Variants in HGF observed in about 807,000 individuals in gnomAD.
The protein encoded by HGF is hepatocyte growth factor, also known as fibroblast-derived tumor cytotoxic factor.
HGF carries 39 observed loss-of-function variants against 111.6 expected under a neutral mutation model. That is an observed-to-expected ratio of 0.35 (90% CI 0.27 to 0.46). The LOEUF is 0.46. Among genes scored for constraint, HGF ranks in the 20% least tolerant of loss-of-function variants. The probability of loss-of-function intolerance (pLI) is 1.00; values close to 1 mark genes in which losing one functional copy is unlikely to be tolerated. For synonymous variants in HGF, 285 were observed against 294.8 expected, an observed-to-expected ratio of 0.97 and a Z score of 0.34; for missense variants, 735 against 910.5, an observed-to-expected ratio of 0.81 and a Z score of 2.48.
chr7:81,704,272 A>G (rs539869438), intron 17 of HGF, among the ~76,000 whole-genome samples: 56 of 151,918 alleles, frequency 3.7e-4, no homozygotes, highest in African/African-American at 1.3e-3. Flanking sequence ...ATTAAAGGCT[A>G]TTCTTCAAAA....
intron 2 of HGF, among the ~76,000 whole-genome samples, chr7:81,761,294 C>T (rs777104949): frequency 6.6e-6 from 1 of 152,136 alleles, no homozygotes; most frequent in Non-Finnish European, 1.5e-5. Flanking sequence ...ACTCCTCTTG[C>T]CAGGAACTAT....
chr7:81,769,847 A>G (rs778858866), intron 1 of HGF, 37 bp downstream of exon 1: 20 of 1,434,958 alleles, frequency 1.4e-5, no homozygotes, highest in Non-Finnish European at 1.9e-5. Context: ...AGAGTTAAAT[A>G]CTAATACTAA....
intron 11 of HGF, 28 bp from the exon 12 acceptor site, chr7:81,711,547 C>T: frequency 2.9e-6 from 3 of 1,050,664 alleles, no homozygotes; most frequent in East Asian, 2.5e-5. Context: ...TAGATAAATA[C>T]ACAATTCATA....
rs571764248 is a variant in HGF, at chr7:81,705,989, T to A, written c.1758-236A>T. 3.3e-5 allele frequency among the ~76,000 whole-genome samples: 5 copies of A among 152,008 alleles called. No individual in the cohort carries two copies. The South Asian group carries it at 6.2e-4, about 19-fold the overall frequency. ...AGAATAAATGGTCAATGCTATTTTT[T>A]AAAATAATTATTTTACATTTGAAAG... On this transcript the variant is annotated intron_variant, in intron 15 of 17. Transcript: ENST00000222390.
intron 15 of HGF, among the ~76,000 whole-genome samples, chr7:81,706,028 G>A (rs1461239957): frequency 6.6e-6 from 1 of 151,786 alleles, no homozygotes; most frequent in African/African-American, 2.4e-5. Flanking sequence ...TCAAATAACT[G>A]CTGAGTTTCC....
At chr7:81,725,809 C>T (rs1463331981) in intron 9 of HGF, 81 bp downstream of exon 9, 1 of 1,466,192 alleles carries the variant, frequency 6.8e-7, no homozygotes, top group Non-Finnish European at 9.6e-7. Flanking sequence ...AGAAGTAGAT[C>T]TTATGCTGTA....
At position 81,757,303 on chromosome 7, in the gene HGF, T is replaced by C; in HGVS notation, c.368A>G (p.Asp123Gly). 7 of 1,485,270 alleles carry C rather than the reference T, an allele frequency of 4.7e-6. No homozygotes were observed. Among genetic ancestry groups the C allele is most frequent in the Non-Finnish European group, 6.6e-6 (7 of 1,062,278 alleles). 92.0% of individuals were successfully genotyped at this position (1,485,270 alleles called of 1,614,324 possible). ...ACCAATGATGCAGTTTCTAATGTAG[T>C]CTATTGAAGAAAGTAGATAAAATTA... Reference protein sequence around the residue: ...GHEFDLYENKDYIRNCIIGKG... With the variant: ...GHEFDLYENKGYIRNCIIGKG... Residue 123 changes from aspartate to glycine, a missense_variant and splice_region_variant, in exon 4 of 18, where the codon GAC becomes GGC. Asp to Gly is a moderately conservative substitution (Grantham distance 94, BLOSUM62 -1). Transcript: ENST00000222390.
chr7:81,765,081 T>C (rs114882235), intron 1 of HGF, among the ~76,000 whole-genome samples: 2,218 of 152,192 alleles, frequency 0.015, 61 homozygotes, highest in African/African-American at 0.051. Context: ...TGGCCTGATA[T>C]ATAATCTATT....
chr7:81,704,111 A>T (rs1287476248), intron 17 of HGF, among the ~76,000 whole-genome samples: 1 of 151,786 alleles, frequency 6.6e-6, no homozygotes, highest in Non-Finnish European at 1.5e-5. Context: ...ATTTTTAAAA[A>T]CATTCTGGAG....
At chr7:81,760,845 G>T (rs1326865638) in intron 2 of HGF, among the ~76,000 whole-genome samples, 1 of 151,926 alleles carries the variant, frequency 6.6e-6, no homozygotes, top group Non-Finnish European at 1.5e-5. Flanking sequence ...ACCAAAATAT[G>T]GTAGGAAAGT....
At chr7:81,739,820 T>C (rs1342753524) in intron 7 of HGF, among the ~76,000 whole-genome samples, 1 of 152,164 alleles carries the variant, frequency 6.6e-6, no homozygotes, top group Non-Finnish European at 1.5e-5. Flanking sequence ...ATCACTATTC[T>C]AGATCACAAA....
chr7:81,707,070 G>A (rs746909178), intron 14 of HGF, among the ~76,000 whole-genome samples: 1 of 151,978 alleles, frequency 6.6e-6, no homozygotes, highest in Non-Finnish European at 1.5e-5. Flanking sequence ...CCCCAACTGA[G>A]GGTAACACTA....
intron 8 of HGF, 88 bp downstream of exon 8, chr7:81,729,517 A>G (rs1787563013): frequency 1.0e-6 from 1 of 983,560 alleles, no homozygotes; most frequent in South Asian, 1.3e-5. Flanking sequence ...AAGTTTGATC[A>G]CTAACACAAA....
intron 7 of HGF, among the ~76,000 whole-genome samples, chr7:81,741,992 C>A (rs1282600010): frequency 8.2e-5 from 11 of 133,542 alleles, no homozygotes; most frequent in South Asian, 5.1e-4. Context: ...CATACACACA[C>A]AAAAAATCAG....
chr7:81,764,817 A>G (rs1789278567), intron 1 of HGF, among the ~76,000 whole-genome samples: 1 of 152,044 alleles, frequency 6.6e-6, no homozygotes, highest in Non-Finnish European at 1.5e-5. Flanking sequence ...CCATGTTAAT[A>G]GGAGATAAGT....
Position 81,769,928 on chromosome 7 carries a change from A to G in HGF, c.44T>C (p.Val15Ala), listed in dbSNP as rs1789549230. ...KLLPALLLQH[V>A]LLHLLLLPIA... ...GGGGAGCAGGAGGAGATGCAGGAGG[A>G]CATGCTGCAGCAGCAGGGCTGGCAG... Residue 15 changes from valine to alanine, a missense_variant, in exon 1 of 18, where the codon GTC becomes GCC. Coordinates refer to ENST00000222390, the MANE Select transcript of HGF (RefSeq NM_000601.6). 1.9e-6 allele frequency: 3 copies of G among 1,568,394 alleles called. No individual in the cohort carries two copies. The highest frequency in any genetic ancestry group is 1.4e-5 in the African/African-American group (1 of 73,906).
chr7:81,729,544 C>G (rs1562884124), intron 8 of HGF, 61 bp downstream of exon 8: 30 of 1,281,920 alleles, frequency 2.3e-5, no homozygotes, highest in Non-Finnish European at 3.3e-5. Flanking sequence ...AAAAAGTAAC[C>G]ACTCTACCTC....
chr7:81,752,029 G>T, intron 5 of HGF, 91 bp downstream of exon 5: 2 of 1,573,132 alleles, frequency 1.3e-6, no homozygotes, highest in South Asian at 1.2e-5. Flanking sequence ...TATTTGTTAT[G>T]ATTGATTCGT....
chr7:81,749,165 G>GTCTT (rs149733003), intron 5 of HGF, among the ~76,000 whole-genome samples: 1,690 of 152,140 alleles, frequency 0.011, 30 homozygotes, highest in African/African-American at 0.037. Context: ...GTTTTTAAAA[G>GTCTT]TCTTCACACA....
Sources: gnomAD v4.1 joint callset for allele counts (sites outside exome capture counted in the v4.1 genomes callset) on GRCh38, gnomAD v4.1.1 for gene constraint, MANE v1.5 for transcripts, NCBI Gene and HGNC (gene_info 2026-07-23, HGNC 2026-07-21) for gene names.